IGSF11: variants seen among roughly 807,000 people sequenced by gnomAD.
The protein encoded by IGSF11 is immunoglobulin superfamily member 11, also known as CXADR like 1.
Under a neutral mutation model 41.0 loss-of-function variants are expected in IGSF11, and 22 were observed. That is an observed-to-expected ratio of 0.54 (90% CI 0.38 to 0.77). IGSF11 has a LOEUF of 0.77. Ranked by LOEUF, IGSF11 falls within the 30% of genes least tolerant of loss-of-function variation. The probability of loss-of-function intolerance (pLI) is 0.00; values close to 1 mark genes in which losing one functional copy is unlikely to be tolerated. For synonymous variants in IGSF11, 219 were observed against 201.3 expected (o/e 1.09, Z -0.74); for missense variants, 444 against 530.8 (o/e 0.84, Z 1.61).
chr3:119,126,622 A>T (rs1452403628), intron 1 of IGSF11, among the ~76,000 whole-genome samples: 1 of 152,200 alleles, frequency 6.6e-6, no homozygotes, highest in Non-Finnish European at 1.5e-5. Flanking sequence ...TCCTACTGGC[A>T]TCAGGGTGGT....
intron 1 of IGSF11, among the ~76,000 whole-genome samples, chr3:119,071,793 G>C (rs1389091743): frequency 1.3e-5 from 2 of 151,994 alleles, no homozygotes; most frequent in African/African-American, 2.4e-5. Flanking sequence ...TCTTTTTCAA[G>C]ATTGTTTTGG....
chr3:118,927,830 T>C (rs1576391454), intron 3 of IGSF11, among the ~76,000 whole-genome samples: 1 of 152,132 alleles, frequency 6.6e-6, no homozygotes, highest in African/African-American at 2.4e-5. Flanking sequence ...AAATAAAACA[T>C]GCTTATAATG....
At chr3:119,071,710 TAC>T (rs2076402920) in intron 1 of IGSF11, among the ~76,000 whole-genome samples, 3 of 152,230 alleles carry the variant, frequency 2.0e-5, no homozygotes, top group Admixed American at 2.0e-4. Context: ...ATGCCAGAGA[TAC>T]ATTGTCTTGA....
At chr3:119,087,219 C>G (rs2076689746) in intron 1 of IGSF11, among the ~76,000 whole-genome samples, 1 of 152,062 alleles carries the variant, frequency 6.6e-6, no homozygotes, top group Non-Finnish European at 1.5e-5. Context: ...TCCAGCAATC[C>G]CACTAGTAGG....
chr3:118,936,126 A>C (rs928352620), intron 1 of IGSF11, among the ~76,000 whole-genome samples: 6 of 152,150 alleles, frequency 3.9e-5, no homozygotes, highest in Admixed American at 3.3e-4. Flanking sequence ...TATTAAAAAA[A>C]CCAAAAACTC....
chr3:119,092,239 T>G (rs1436577162), intron 1 of IGSF11, among the ~76,000 whole-genome samples: 1 of 152,096 alleles, frequency 6.6e-6, no homozygotes, highest in East Asian at 1.9e-4. Flanking sequence ...GTTTCTGAAG[T>G]AAAAATATTA....
intron 1 of IGSF11, among the ~76,000 whole-genome samples, chr3:119,005,010 G>T (rs577858057): frequency 1.3e-5 from 2 of 149,782 alleles, no homozygotes; most frequent in Admixed American, 6.6e-5. Context: ...TCAATTCCTG[G>T]GTATCCTTGT....
chr3:119,063,294 A>T (rs1340015031), intron 1 of IGSF11, among the ~76,000 whole-genome samples: 3 of 152,356 alleles, frequency 2.0e-5, no homozygotes, highest in Non-Finnish European at 4.4e-5. Flanking sequence ...CCCCGAAGAC[A>T]TAATTCCTCT....
At chr3:118,992,061 T>G (rs184888764) in intron 1 of IGSF11, among the ~76,000 whole-genome samples, 1 of 152,216 alleles carries the variant, frequency 6.6e-6, no homozygotes, top group Non-Finnish European at 1.5e-5. Context: ...GAATCAACCA[T>G]AGGAAAGTTT....
chr3:119,002,501 C>T (rs1355923075), intron 1 of IGSF11, among the ~76,000 whole-genome samples: 2 of 129,854 alleles, frequency 1.5e-5, no homozygotes, highest in Non-Finnish European at 3.1e-5. Context: ...TCAATTTTGG[C>T]TTTTGTTGCC....
At chr3:119,082,129 G>A (rs1377909401) in intron 1 of IGSF11, among the ~76,000 whole-genome samples, 3 of 152,084 alleles carry the variant, frequency 2.0e-5, no homozygotes, top group Non-Finnish European at 4.4e-5. Flanking sequence ...CCTCCCACTT[G>A]TAATTATTTA....
chr3:118,961,830 A>G (rs12496820), intron 1 of IGSF11, among the ~76,000 whole-genome samples: 7,222 of 152,338 alleles, frequency 0.047, 317 homozygotes, highest in Admixed American at 0.15. Context: ...CTCCCTGTTA[A>G]AATGTGTTGG....
intron 1 of IGSF11, among the ~76,000 whole-genome samples, chr3:119,098,279 G>C (rs1392759121): frequency 6.6e-6 from 1 of 152,058 alleles, no homozygotes; most frequent in Non-Finnish European, 1.5e-5. Flanking sequence ...TGTAAAATGG[G>C]AATACTAATT....
intron 1 of IGSF11, among the ~76,000 whole-genome samples, chr3:119,100,701 G>C (rs1199868359): frequency 2.0e-5 from 3 of 152,192 alleles, no homozygotes; most frequent in African/African-American, 7.2e-5. Context: ...TAAAATAAAA[G>C]GGCTGGACCA....
intron 1 of IGSF11, among the ~76,000 whole-genome samples, chr3:119,018,367 T>A (rs1026372761): frequency 6.6e-6 from 1 of 152,222 alleles, no homozygotes; most frequent in Non-Finnish European, 1.5e-5. Flanking sequence ...AGGTCTGTTA[T>A]AAGATTTGCT....
At chr3:119,050,674 C>G (rs1941583769) in intron 1 of IGSF11, among the ~76,000 whole-genome samples, 1 of 152,072 alleles carries the variant, frequency 6.6e-6, no homozygotes. Flanking sequence ...ATAAATCATG[C>G]TGCTATAAAG....
chr3:119,068,927 C>CTTTTTTTTTTTTTTT (rs574659492), intron 1 of IGSF11, among the ~76,000 whole-genome samples: 2 of 81,018 alleles, frequency 2.5e-5, no homozygotes, highest in African/African-American at 1.1e-4. Flanking sequence ...TTTTTTTTTT[C>CTTTTTTTTTTTTTTT]TTTTTTTTTT....
intron 1 of IGSF11, among the ~76,000 whole-genome samples, chr3:119,011,944 T>A (rs1042524413): frequency 1.7e-5 from 2 of 119,084 alleles, no homozygotes; most frequent in African/African-American, 8.2e-5. Context: ...TATATAGTGT[T>A]CTGTGTGTGT....
At chr3:118,978,661 G>A (rs1163425954) in intron 1 of IGSF11, among the ~76,000 whole-genome samples, 1 of 152,150 alleles carries the variant, frequency 6.6e-6, no homozygotes, top group Non-Finnish European at 1.5e-5. Flanking sequence ...AAGAAAATCA[G>A]ACACCACTGA....
Sources: gnomAD v4.1 joint callset for allele counts (sites outside exome capture counted in the v4.1 genomes callset) on GRCh38, gnomAD v4.1.1 for gene constraint, MANE v1.5 for transcripts, NCBI Gene and HGNC (gene_info 2026-07-23, HGNC 2026-07-21) for gene names.